ZBTB40: variants seen among roughly 807,000 people sequenced by gnomAD.
ZBTB40 encodes the protein zinc finger and BTB domain containing 40.
In ZBTB40, 60 loss-of-function variants were observed where a neutral mutation model predicts 117.5. That is an observed-to-expected ratio of 0.51 (90% CI 0.41 to 0.63). ZBTB40 has a LOEUF of 0.63. Among genes scored for constraint, ZBTB40 ranks in the 30% least tolerant of loss-of-function variants. ZBTB40 has a pLI of 0.00. For missense variants in ZBTB40, 1,287 were observed against 1,498.5 expected (o/e 0.86, Z 2.33); for synonymous variants, 525 against 577.1 (o/e 0.91, Z 1.29).
At chr1:22,485,041 A>G (rs1390521614) in intron 1 of ZBTB40, among the ~76,000 whole-genome samples, 1 of 152,088 alleles carries the variant, frequency 6.6e-6, no homozygotes, top group African/African-American at 2.4e-5. Context: ...GTTAGAGTCA[A>G]GTTGCTAATA....
chr1:22,521,591 C>G lies in ZBTB40; in HGVS notation c.3144C>G (p.Cys1048Trp), dbSNP rs751145934. 5.0e-6 allele frequency: 8 copies of G among 1,614,086 alleles called. No homozygotes were observed. Among genetic ancestry groups the G allele is most frequent in the Non-Finnish European group, 6.8e-6 (8 of 1,180,044 alleles). Residue 1048 changes from cysteine (C) to tryptophan (W), a missense_variant, in exon 15 of 18, where the codon TGC becomes TGG. This residue lies in a region of ZBTB40 where 417 missense variants were observed against 564.1 expected (regional missense o/e 0.74). Coordinates refer to ENST00000375647, the MANE Select transcript of ZBTB40 (RefSeq NM_014870.4). ...CTTCCAAGTTCTCATCACTCCAGTG[C>G]AGCTCCTGTGACAAAACCTTCCCCA... ...HRSSKFSSLQ[C>W]SSCDKTFPNT...
chr1:22,507,883 A>G lies in ZBTB40; in HGVS notation c.1361-118A>G, dbSNP rs757080140. On this transcript the variant is annotated intron_variant, in intron 6 of 17. Transcript: ENST00000375647. ...ATGAGGCCCCAAGCCAGGGCTCTGC[A>G]GAGGACACTGAGCCCTTGTGCTGAT... 19 of 1,455,118 alleles carry G rather than the reference A, an allele frequency of 1.3e-5. No homozygotes were observed. The African/African-American group carries it at 1.8e-4, about 14-fold the overall frequency. 90.1% of individuals were successfully genotyped at this position (1,455,118 alleles called of 1,614,324 possible).
At chr1:22,462,840 T>A (rs955724879) in intron 1 of ZBTB40, among the ~76,000 whole-genome samples, 1 of 152,252 alleles carries the variant, frequency 6.6e-6, no homozygotes, top group Non-Finnish European at 1.5e-5. Flanking sequence ...AGCAATGCAG[T>A]TGTCTATGAA....
At chr1:22,429,650 G>C (rs975472591) in intron 1 of ZBTB40, among the ~76,000 whole-genome samples, 1 of 152,158 alleles carries the variant, frequency 6.6e-6, no homozygotes. Flanking sequence ...AAAGTATACT[G>C]GGCTGGTTTC....
chr1:22,510,802 C>T (rs1639211113), intron 9 of ZBTB40, among the ~76,000 whole-genome samples: 1 of 152,192 alleles, frequency 6.6e-6, no homozygotes, highest in Non-Finnish European at 1.5e-5. Context: ...TTCTGATTTT[C>T]AAGACAGACA....
At chr1:22,468,320 T>A (rs1024157481) in intron 1 of ZBTB40, among the ~76,000 whole-genome samples, 1 of 152,126 alleles carries the variant, frequency 6.6e-6, no homozygotes, top group African/African-American at 2.4e-5. Flanking sequence ...AATTAAATAC[T>A]GTCACTGAAA....
chr1:22,448,007 G>A (rs1640809418), upstream of ZBTB40, among the ~76,000 whole-genome samples: 1 of 152,224 alleles, frequency 6.6e-6, no homozygotes, highest in Non-Finnish European at 1.5e-5. Flanking sequence ...CTGCCTTGGG[G>A]AACAGCAGAG....
chr1:22,517,219 C>A, intron 12 of ZBTB40, 81 bp from the exon 13 acceptor site: 1 of 1,571,666 alleles, frequency 6.4e-7, no homozygotes, highest in Non-Finnish European at 8.7e-7. Flanking sequence ...TTCCCTGATA[C>A]GTGCTGTAGA....
chr1:22,477,001 A>G (rs1641563889), intron 1 of ZBTB40, among the ~76,000 whole-genome samples: 2 of 152,206 alleles, frequency 1.3e-5, no homozygotes, highest in Non-Finnish European at 1.5e-5. Flanking sequence ...ACTTCCTTGC[A>G]AAGAAAGTTA....
At chr1:22,518,275 G>C (rs1639428270) in intron 13 of ZBTB40, among the ~76,000 whole-genome samples, 1 of 152,090 alleles carries the variant, frequency 6.6e-6, no homozygotes, top group South Asian at 2.1e-4. Context: ...TACTTTTCTT[G>C]AGGCCTTAAA....
intron 2 of ZBTB40, 57 bp from the exon 3 acceptor site, chr1:22,491,343 T>C (rs931470088): frequency 1.3e-6 from 2 of 1,597,934 alleles, no homozygotes; most frequent in African/African-American, 2.7e-5. Flanking sequence ...CTTAAACTTG[T>C]AAAAATTTAT....
In ZBTB40 at chr1:22,433,431, T is replaced by TCAAAAAACAAAAACAAAAACAAAAA. The variant is rs1277245081; in HGVS notation, c.-70+4424_-70+4425insCAAAAACAAAAACAAAAACAAAAAA. ...CTGGGCGACAGAGCAAGACGCCCTC[T>TCAAAAAACAAAAACAAAAACAAAAA]CAAAAAAAAAAAAAAAAAAAAAAAA... is the stretch of plus-strand genomic sequence containing the variant. On this transcript the variant is annotated intron_variant, in intron 1 of 8. Transcript: ENST00000650433. Among the ~76,000 whole-genome samples, 8 of 4,300 alleles carry TCAAAAAACAAAAACAAAAACAAAAA rather than the reference T, an allele frequency of 1.9e-3. 1 individual carries two copies. The highest frequency in any genetic ancestry group is 0.02 in the East Asian group (1 of 50). The allele number at this position is 4,300 out of a possible 152,430, so 2.8% of individuals were successfully genotyped here. A position where few individuals can be genotyped will look rare whatever the true frequency, so the allele number is the denominator to read the frequency against.
At chr1:22,504,983 C>G (rs1309442328) in intron 5 of ZBTB40, among the ~76,000 whole-genome samples, 1 of 152,016 alleles carries the variant, frequency 6.6e-6, no homozygotes, top group East Asian at 1.9e-4. Flanking sequence ...TATATTAGAC[C>G]TTAAAGAGAA....
At chr1:22,443,943 C>T (rs911669451) in intron 1 of ZBTB40, among the ~76,000 whole-genome samples, 5 of 152,172 alleles carry the variant, frequency 3.3e-5, no homozygotes, top group African/African-American at 1.2e-4. Flanking sequence ...CCTCCCTTCC[C>T]ATCATGGCTT....
chr1:22,464,938 G>T (rs1386124809), intron 1 of ZBTB40, among the ~76,000 whole-genome samples: 1 of 152,120 alleles, frequency 6.6e-6, no homozygotes, highest in Admixed American at 6.5e-5. Context: ...TCAAACATCT[G>T]TGTAACTGTT....
intron 1 of ZBTB40, among the ~76,000 whole-genome samples, chr1:22,443,986 T>C (rs904737658): frequency 2.0e-5 from 3 of 152,298 alleles, no homozygotes; most frequent in African/African-American, 7.2e-5. Context: ...TGGGATTCCC[T>C]TGGTGAAGAA....
intron 1 of ZBTB40, among the ~76,000 whole-genome samples, chr1:22,442,296 G>T (rs1422541179): frequency 6.6e-6 from 1 of 152,186 alleles, no homozygotes; most frequent in African/African-American, 2.4e-5. Context: ...TTAGCCGAGA[G>T]AAAGGACAAG....
rs569226092 is a variant in ZBTB40, at chr1:22,461,648, G to T, written c.-70+9644G>T. Among the ~76,000 whole-genome samples the T allele has an allele frequency of 2.0e-5, 3 of 152,288 alleles. No homozygotes were observed. The East Asian group carries it at 5.8e-4, about 29-fold the overall frequency. ...TGTACACAGAGGGGTACTGAAGGCTGAGTGATCTGAGTAGTGTGATAGGAC... is the reference window on the plus strand; with the variant it reads ...TGTACACAGAGGGGTACTGAAGGCTTAGTGATCTGAGTAGTGTGATAGGAC... On this transcript the variant is annotated intron_variant, in intron 1 of 17. Transcript: ENST00000375647.
chr1:22,515,960 G>A (rs1639363977), intron 12 of ZBTB40, among the ~76,000 whole-genome samples: 1 of 152,204 alleles, frequency 6.6e-6, no homozygotes, highest in South Asian at 2.1e-4. Context: ...GTGTAGAGGT[G>A]ATATAGTTTT....
Sources: gnomAD v4.1 joint callset for allele counts (sites outside exome capture counted in the v4.1 genomes callset) on GRCh38, gnomAD v4.1.1 for gene constraint, gnomAD v4.1.1 regional missense constraint, MANE v1.5 for transcripts, NCBI Gene and HGNC (gene_info 2026-07-23, HGNC 2026-07-21) for gene names.